SPAG16: variants seen among roughly 807,000 people sequenced by gnomAD.
SPAG16 encodes sperm-associated antigen 16 protein.
SPAG16 carries 86 observed loss-of-function variants against 80.4 expected under a neutral mutation model. That is an observed-to-expected ratio of 1.07 (90% confidence interval 0.90 to 1.28). The LOEUF (loss-of-function observed/expected upper bound fraction) is 1.28. SPAG16 is among the 50% of genes most tolerant of loss of function. SPAG16 has a pLI of 0.00. For missense variants in SPAG16, 870 were observed against 765.3 expected (o/e 1.14, Z -1.61); for synonymous variants, 294 against 265.9 (o/e 1.11, Z -1.03).
At chr2:213,408,665 G>T (rs967810925) in intron 9 of SPAG16, among the ~76,000 whole-genome samples, 5 of 152,146 alleles carry the variant, frequency 3.3e-5, no homozygotes, top group Non-Finnish European at 5.9e-5. Flanking sequence ...TTTCTTCCCG[G>T]GTGAATGAGG....
At position 213,721,287 on chromosome 2, in the gene SPAG16, T is replaced by A. The variant is rs553487510; in HGVS notation, c.1071-141198T>A. Among the ~76,000 whole-genome samples the A allele has an allele frequency of 2.6e-5, 4 of 151,904 alleles. No individual in the cohort carries two copies. In the South Asian group the frequency reaches 8.3e-4, roughly 32 times the overall value. ...CTCATTTTTGTATTTTTAGTAGAGA[T>A]GGGGTTTCACCATGTTGGCGAGGCT... On this transcript the variant is annotated intron_variant, in intron 10 of 15. Coordinates refer to ENST00000331683, the MANE Select transcript of SPAG16 (RefSeq NM_024532.5).
At chr2:213,449,796 T>C (rs1018812780) in intron 9 of SPAG16, among the ~76,000 whole-genome samples, 4 of 151,476 alleles carry the variant, frequency 2.6e-5, no homozygotes, top group African/African-American at 9.7e-5. Context: ...TAAAATAAGG[T>C]TGAAAAATAA....
At chr2:214,230,970 T>A (rs1359527744) in intron 15 of SPAG16, among the ~76,000 whole-genome samples, 1 of 151,974 alleles carries the variant, frequency 6.6e-6, no homozygotes, top group Non-Finnish European at 1.5e-5. Flanking sequence ...ACCATATCCA[T>A]CCCAAAGATC....
intron 10 of SPAG16, among the ~76,000 whole-genome samples, chr2:213,686,118 C>G (rs764202636): frequency 3.3e-5 from 5 of 151,904 alleles, no homozygotes; most frequent in Non-Finnish European, 7.4e-5. Flanking sequence ...CTATGTGTTA[C>G]TTTATTTATT....
At chr2:214,111,249 T>A (rs2053647930) in intron 14 of SPAG16, among the ~76,000 whole-genome samples, 1 of 152,128 alleles carries the variant, frequency 6.6e-6, no homozygotes, top group Non-Finnish European at 1.5e-5. Context: ...TCCTCTAGGG[T>A]TTTTATGGTT....
chr2:214,244,337 T>C (rs1689691642), intron 15 of SPAG16, among the ~76,000 whole-genome samples: 1 of 150,932 alleles, frequency 6.6e-6, no homozygotes, highest in Non-Finnish European at 1.5e-5. Flanking sequence ...TGTAACTAAT[T>C]AATAGAATTT....
chr2:213,626,362 G>A (rs565826743), intron 10 of SPAG16, among the ~76,000 whole-genome samples: 4 of 151,874 alleles, frequency 2.6e-5, no homozygotes, highest in Middle Eastern at 3.4e-3. Flanking sequence ...GTAAATACCC[G>A]GATTTTTAGG....
intron 9 of SPAG16, among the ~76,000 whole-genome samples, chr2:213,451,904 G>A (rs901462913): frequency 6.6e-6 from 1 of 152,060 alleles, no homozygotes; most frequent in African/African-American, 2.4e-5. Context: ...TCTTGCAGCT[G>A]CAGGTGTCCC....
intron 10 of SPAG16, among the ~76,000 whole-genome samples, chr2:213,777,337 C>A (rs2069660613): frequency 6.7e-6 from 1 of 149,768 alleles, no homozygotes; most frequent in Non-Finnish European, 1.5e-5. Flanking sequence ...ACCTCCACCT[C>A]CCAGGTTCAA....
intron 12 of SPAG16, among the ~76,000 whole-genome samples, chr2:213,965,841 C>T (rs1190859125): frequency 6.6e-6 from 1 of 152,180 alleles, no homozygotes; most frequent in Non-Finnish European, 1.5e-5. Context: ...CTCCGAAGAA[C>T]AGCTTCCACT....
At chr2:213,931,308 T>A (rs1252507508) in intron 12 of SPAG16, among the ~76,000 whole-genome samples, 1 of 152,170 alleles carries the variant, frequency 6.6e-6, no homozygotes, top group Non-Finnish European at 1.5e-5. Context: ...AAAACATGAC[T>A]GTGAATAACA....
chr2:214,372,117 T>C (rs1293307911), intron 15 of SPAG16, among the ~76,000 whole-genome samples: 1 of 152,186 alleles, frequency 6.6e-6, no homozygotes, highest in Non-Finnish European at 1.5e-5. Flanking sequence ...AAAATTGATA[T>C]ATCAGGTAAC....
At chr2:213,327,317 A>G (rs1008482579) in intron 5 of SPAG16, among the ~76,000 whole-genome samples, 1 of 152,074 alleles carries the variant, frequency 6.6e-6, no homozygotes, top group Non-Finnish European at 1.5e-5. Flanking sequence ...CAGGAAGGTC[A>G]TAATAGGAGA....
At chr2:213,319,196 C>T (rs1466813593) in intron 5 of SPAG16, among the ~76,000 whole-genome samples, 2 of 151,770 alleles carry the variant, frequency 1.3e-5, no homozygotes, top group Non-Finnish European at 2.9e-5. Context: ...CTTAAAGAAT[C>T]ATATTAAAAC....
intron 10 of SPAG16, among the ~76,000 whole-genome samples, chr2:213,580,731 G>C (rs2060270519): frequency 6.6e-6 from 1 of 152,098 alleles, no homozygotes; most frequent in Admixed American, 6.6e-5. Flanking sequence ...ATTATCTTTA[G>C]ATGAGTATAT....
intron 15 of SPAG16, among the ~76,000 whole-genome samples, chr2:214,277,326 T>C (rs1559175477): frequency 6.6e-6 from 1 of 152,210 alleles, no homozygotes; most frequent in African/African-American, 2.4e-5. Flanking sequence ...AGCTTTGTTC[T>C]GTTGCTGGTG....
At chr2:213,536,770 T>G (rs1291232935) in intron 10 of SPAG16, among the ~76,000 whole-genome samples, 7 of 152,166 alleles carry the variant, frequency 4.6e-5, no homozygotes, top group African/African-American at 9.7e-5. Context: ...TTTCTCCCAT[T>G]TTGTAGGTTG....
chr2:213,943,835 T>A (rs746421274), intron 12 of SPAG16, among the ~76,000 whole-genome samples: 1 of 152,044 alleles, frequency 6.6e-6, no homozygotes, highest in Non-Finnish European at 1.5e-5. Flanking sequence ...ATGAGTGTGA[T>A]CCAAGAACCT....
At chr2:213,930,359 T>G (rs1015430882) in intron 12 of SPAG16, among the ~76,000 whole-genome samples, 6 of 152,204 alleles carry the variant, frequency 3.9e-5, no homozygotes, top group African/African-American at 1.4e-4. Flanking sequence ...TCTTTCTAAA[T>G]GTAAGTATCA....
Sources: gnomAD v4.1 joint callset for allele counts (sites outside exome capture counted in the v4.1 genomes callset) on GRCh38, gnomAD v4.1.1 for gene constraint, MANE v1.5 for transcripts, NCBI Gene and HGNC (gene_info 2026-07-23, HGNC 2026-07-21) for gene names.